The following PISD variants were observed in gnomAD, a reference collection of about 807,000 sequenced individuals.
PISD encodes the protein phosphatidylserine decarboxylase proenzyme, mitochondrial.
PISD carries 31 observed loss-of-function variants against 43.5 expected under a neutral mutation model. That is an observed-to-expected ratio of 0.71 (90% CI 0.54 to 0.96). PISD has a LOEUF of 0.96. PISD is among the 40% of genes least tolerant of loss of function. PISD has a pLI of 0.00. For missense variants in PISD, 523 were observed against 548.4 expected (o/e 0.95, Z 0.46); for synonymous variants, 259 against 228.7 (o/e 1.13, Z -1.20).
At chr22:31,622,969 T>C (rs975732112) in intron 3 of PISD, among the ~76,000 whole-genome samples, 1 of 152,208 alleles carries the variant, frequency 6.6e-6, no homozygotes, top group Admixed American at 6.5e-5. Context: ...GCTGCTCTTA[T>C]CCCTTCCAGC....
chr22:31,640,975 C>A (rs1344867700), intron 3 of PISD, among the ~76,000 whole-genome samples: 1 of 144,760 alleles, frequency 6.9e-6, no homozygotes, highest in Non-Finnish European at 1.5e-5. Flanking sequence ...GCAACCTCCA[C>A]CTCCTGGGTT....
chr22:31,638,069 G>C (rs2073567556), intron 3 of PISD, among the ~76,000 whole-genome samples: 1 of 152,166 alleles, frequency 6.6e-6, no homozygotes, highest in Non-Finnish European at 1.5e-5. Flanking sequence ...CAAACCACTG[G>C]GCCAGGAGAG....
intron 1 of PISD, among the ~76,000 whole-genome samples, chr22:31,654,973 G>C (rs767241269): frequency 3.3e-5 from 5 of 151,690 alleles, no homozygotes; most frequent in Non-Finnish European, 7.4e-5. Context: ...CTACTGGGGA[G>C]GCTGAGGCAG....
Position 31,620,979 on chromosome 22 carries a change from G to A in PISD, c.844+17C>T, listed in dbSNP as rs548852007. 3.6e-5 allele frequency: 57 copies of A among 1,600,236 alleles called. No individual in the cohort carries two copies. The East Asian group carries it at 5.8e-4, about 16-fold the overall frequency. On this transcript the variant is annotated intron_variant, in intron 6 of 7. Coordinates refer to ENST00000439502, the MANE Select transcript of PISD (RefSeq NM_001326411.2). ...AGCCCACAGAGGCAGCTCCCCCCACGCTGGCCCCGGGCTGACCTGGGAAGT... is the reference window on the plus strand; with the variant it reads ...AGCCCACAGAGGCAGCTCCCCCCACACTGGCCCCGGGCTGACCTGGGAAGT...
intron 3 of PISD, among the ~76,000 whole-genome samples, chr22:31,636,498 G>C (rs1447410850): frequency 1.3e-5 from 2 of 152,076 alleles, no homozygotes; most frequent in African/African-American, 4.8e-5. Flanking sequence ...AAGTAGCTGG[G>C]ATTACAGGCA....
chr22:31,647,033 G>C (rs2073905552), intron 3 of PISD, among the ~76,000 whole-genome samples: 1 of 152,030 alleles, frequency 6.6e-6, no homozygotes, highest in South Asian at 2.1e-4. Flanking sequence ...GGTTTTACAG[G>C]ACTGTTAGAA....
rs562619461 is a variant in PISD, at chr22:31,652,667, C to T, written c.66-1889G>A. Among the ~76,000 whole-genome samples the T allele has an allele frequency of 5.3e-5, 8 of 151,140 alleles. No homozygotes were observed. The South Asian group carries it at 8.4e-4, about 16-fold the overall frequency. ...ACTAAAAATACAAAAATTAGCCGGG[C>T]GCGGTGGCACACATGCTGTAGTACC... is the stretch of plus-strand genomic sequence containing the variant. On this transcript the variant is annotated intron_variant, in intron 1 of 7. Transcript: ENST00000439502.
intron 2 of PISD, among the ~76,000 whole-genome samples, chr22:31,649,341 C>T (rs1041193695): frequency 2.0e-5 from 3 of 152,178 alleles, no homozygotes; most frequent in African/African-American, 7.2e-5. Context: ...TTGCTGAAAA[C>T]TCCCCCAAAA....
intron 3 of PISD, 72 bp from the exon 4 acceptor site, chr22:31,621,957 A>G: frequency 1.8e-6 from 2 of 1,139,938 alleles, no homozygotes; most frequent in Non-Finnish European, 2.6e-6. Flanking sequence ...TAGTGTCATT[A>G]GCCCAGCTCT....
chr22:31,627,722 C>T (rs1014204136), intron 3 of PISD, among the ~76,000 whole-genome samples: 6 of 152,246 alleles, frequency 3.9e-5, no homozygotes, highest in African/African-American at 1.4e-4. Context: ...CCATGTGGGA[C>T]AGTGACGACC....
At position 31,637,477 on chromosome 22, in the gene PISD, C is replaced by T. The variant is rs571306101; in HGVS notation, c.321+10624G>A. On this transcript the variant is annotated intron_variant, in intron 3 of 7. Coordinates refer to ENST00000439502, the MANE Select transcript of PISD (RefSeq NM_001326411.2). ...CTGGCAACAGTCATCTAACCCTGGT[C>T]TCACGCCACTCTGAACCGGACCCTC... Among the ~76,000 whole-genome samples, 28 of 152,098 alleles carry T rather than the reference C, an allele frequency of 1.8e-4. No homozygotes were observed. In the South Asian group the frequency reaches 5.6e-3, roughly 30 times the overall value.
chr22:31,637,133 AT>A lies in PISD; in HGVS notation c.321+10967del, dbSNP rs1569486986. ...CAAAACTCTACAAAAAAAAATAATA[AT>A]AAATAAATTAAAAAAAAAAAAAAAA... On this transcript the variant is annotated intron_variant, in intron 3 of 7. Coordinates refer to ENST00000439502, the MANE Select transcript of PISD (RefSeq NM_001326411.2). 1.4e-3 allele frequency among the ~76,000 whole-genome samples: 127 copies of A among 91,956 alleles called. 1 individual carries two copies. The highest frequency in any genetic ancestry group is 5.1e-3 in the African/African-American group (120 of 23,554). 60.3% of individuals were successfully genotyped at this position (91,956 alleles called of 152,430 possible). A position where few individuals can be genotyped will look rare whatever the true frequency, so the allele number is the denominator to read the frequency against.
intron 7 of PISD, 23 bp downstream of exon 7, chr22:31,620,530 G>T (rs1368021211): frequency 6.2e-7 from 1 of 1,612,504 alleles, no homozygotes; most frequent in Non-Finnish European, 8.5e-7. Flanking sequence ...CTTGGGCTTT[G>T]GCAGGGCCTA....
chr22:31,632,111 T>G (rs2073231616), intron 3 of PISD: 1 of 285,714 alleles, frequency 3.5e-6, no homozygotes, highest in Non-Finnish European at 5.2e-6. Flanking sequence ...TGCGGAGAAA[T>G]GGTGTGGGGG....
At chr22:31,628,831 G>C in intron 3 of PISD, 2 of 985,514 alleles carry the variant, frequency 2.0e-6, no homozygotes, top group Non-Finnish European at 2.4e-6. Context: ...CGCAGCCTCA[G>C]ACCTGGCTTC....
At chr22:31,640,560 T>G (rs565980739) in intron 3 of PISD, among the ~76,000 whole-genome samples, 1 of 147,560 alleles carries the variant, frequency 6.8e-6, no homozygotes, top group East Asian at 2.0e-4. Flanking sequence ...ACATCCTTTT[T>G]GTTTCGGTTT....
intron 2 of PISD, among the ~76,000 whole-genome samples, chr22:31,649,238 C>G (rs2073969130): frequency 6.6e-6 from 1 of 151,758 alleles, no homozygotes; most frequent in East Asian, 1.9e-4. Context: ...TCAAAATGTG[C>G]AAAGGATTTG....
rs1267117734 is a variant in PISD at position 31,637,204 on chromosome 22, T to TATATATATATACAC, written c.321+10896_321+10897insGTGTATATATATAT. 3.1e-5 allele frequency among the ~76,000 whole-genome samples: 3 copies of TATATATATATACAC among 95,778 alleles called. 1 individual carries two copies. Among genetic ancestry groups the TATATATATATACAC allele is most frequent in the Admixed American group, 2.2e-4 (2 of 9,248 alleles). The allele number at this position is 95,778 out of a possible 152,430, so 62.8% of individuals were successfully genotyped here. The stretch of plus-strand genomic sequence containing the variant: ...ATATATATATATATATATATATATA[T>TATATATATATACAC]ATAGAAAAATTAGCCGGGCATGGTG... On this transcript the variant is annotated intron_variant, in intron 3 of 7. Coordinates refer to ENST00000439502, the MANE Select transcript of PISD (RefSeq NM_001326411.2).
chr22:31,640,575 G>GTTT (rs759964791), intron 3 of PISD, among the ~76,000 whole-genome samples: 2,559 of 91,134 alleles, frequency 0.028, 52 homozygotes, highest in East Asian at 0.034. Context: ...CGGTTTGGTT[G>GTTT]TTTTTTTTTT....
Sources: allele counts gnomAD v4.1 joint callset (sites outside exome capture counted in the v4.1 genomes callset), GRCh38; gene constraint gnomAD v4.1.1; transcripts MANE v1.5; gene names NCBI Gene and HGNC (gene_info 2026-07-23, HGNC 2026-07-21).